CSMD1: variants seen among roughly 807,000 people sequenced by gnomAD.
The protein encoded by CSMD1 is CUB and sushi domain-containing protein 1.
A neutral mutation model predicts 417.5 loss-of-function variants in CSMD1; 213 were observed. The observed-to-expected ratio is 0.51, with a 90% CI of 0.46 to 0.57. The LOEUF (loss-of-function observed/expected upper bound fraction) is 0.57, where lower values mean the gene tolerates loss of function less well. Among genes scored for constraint, CSMD1 ranks in the 20% least tolerant of loss-of-function variants. The probability of loss-of-function intolerance (pLI) is 0.00; values close to 1 mark genes in which losing one functional copy is unlikely to be tolerated. For missense variants in CSMD1, 6,923 were observed against 4,529.7 expected, an observed-to-expected ratio of 1.53 and a Z score of -15.17; for synonymous variants, 2,862 against 1,736.8, an observed-to-expected ratio of 1.65 and a Z score of -16.11.
intron 26 of CSMD1, among the ~76,000 whole-genome samples, chr8:3,258,498 A>C (rs1800819727): frequency 6.6e-6 from 1 of 152,232 alleles, no homozygotes; most frequent in South Asian, 2.1e-4. Flanking sequence ...GTTTGTGCAA[A>C]TGTAAATTAG....
intron 12 of CSMD1, among the ~76,000 whole-genome samples, chr8:3,459,224 A>G (rs1816342527): frequency 6.6e-6 from 1 of 152,334 alleles, no homozygotes; most frequent in East Asian, 1.9e-4. Flanking sequence ...GGTGGGGCAC[A>G]CGGGAGCCAC....
intron 5 of CSMD1, among the ~76,000 whole-genome samples, chr8:3,845,522 G>T (rs1803446367): frequency 6.6e-6 from 1 of 152,162 alleles, no homozygotes; most frequent in Non-Finnish European, 1.5e-5. Flanking sequence ...GCCATGAATG[G>T]AGCTTGCAGG....
chr8:4,785,964 G>A (rs1270277852), intron 1 of CSMD1, among the ~76,000 whole-genome samples: 3 of 152,122 alleles, frequency 2.0e-5, no homozygotes, highest in Admixed American at 1.3e-4. Context: ...ACAATTATAG[G>A]AAAGACATCC....
intron 1 of CSMD1, among the ~76,000 whole-genome samples, chr8:4,826,489 T>C (rs551070729): frequency 2.0e-5 from 3 of 152,274 alleles, no homozygotes; most frequent in Middle Eastern, 6.8e-3. Flanking sequence ...CTTTATGTTG[T>C]TTTTATTTAT....
chr8:3,762,849 C>A (rs972653493), intron 5 of CSMD1, among the ~76,000 whole-genome samples: 2 of 152,172 alleles, frequency 1.3e-5, no homozygotes, highest in African/African-American at 4.8e-5. Flanking sequence ...GAGTAAGCAG[C>A]CGAGACACGG....
chr8:4,868,407 G>A (rs989410260), intron 1 of CSMD1, among the ~76,000 whole-genome samples: 1 of 151,874 alleles, frequency 6.6e-6, no homozygotes. Flanking sequence ...ACTAATTTTT[G>A]TACTTTTAGT....
intron 12 of CSMD1, among the ~76,000 whole-genome samples, chr8:3,467,709 A>C (rs1816862354): frequency 6.6e-6 from 1 of 152,174 alleles, no homozygotes; most frequent in East Asian, 1.9e-4. Flanking sequence ...ACAGAGAGAG[A>C]GAGCAGCCAA....
chr8:4,051,915 T>A lies in CSMD1; in HGVS notation c.416-19816A>T, dbSNP rs961186973. On this transcript the variant is annotated intron_variant, in intron 3 of 69. Coordinates refer to ENST00000635120, the MANE Select transcript of CSMD1 (RefSeq NM_033225.6). The stretch of plus-strand genomic sequence containing the variant: ...TCCTTCCTTCCTTCCTTCCTTCCTT[T>A]CTTTCTTTTTCTTTCTTTCTTTCTT... 8.7e-4 allele frequency among the ~76,000 whole-genome samples: 119 copies of A among 137,104 alleles called. 2 individuals are homozygous for A. Among genetic ancestry groups the A allele is most frequent in the African/African-American group, 3.3e-3 (118 of 36,008 alleles). 89.9% of individuals were successfully genotyped at this position (137,104 alleles called of 152,430 possible). A position where few individuals can be genotyped will look rare whatever the true frequency, so the allele number is the denominator to read the frequency against.
intron 2 of CSMD1, among the ~76,000 whole-genome samples, chr8:4,606,065 G>C (rs1038785179): frequency 6.6e-6 from 1 of 152,132 alleles, no homozygotes; most frequent in African/African-American, 2.4e-5. Flanking sequence ...GCCTGAGAAG[G>C]ATGCGGTGGT....
intron 2 of CSMD1, among the ~76,000 whole-genome samples, chr8:4,566,291 T>A (rs1351373267): frequency 6.6e-6 from 1 of 152,112 alleles, no homozygotes; most frequent in African/African-American, 2.4e-5. Context: ...ATTGACAAAA[T>A]ACATTTAGAA....
intron 4 of CSMD1, among the ~76,000 whole-genome samples, chr8:4,001,019 C>A (rs943726444): frequency 6.7e-6 from 1 of 149,682 alleles, no homozygotes; most frequent in Non-Finnish European, 1.5e-5. Context: ...GGCAAGAAAT[C>A]CCCCCTTTCA....
intron 3 of CSMD1, among the ~76,000 whole-genome samples, chr8:4,036,067 T>C (rs1301180377): frequency 6.6e-6 from 1 of 152,170 alleles, no homozygotes; most frequent in African/African-American, 2.4e-5. Flanking sequence ...TTGCCTACAG[T>C]ATTCAGTTCA....
At chr8:3,558,004 C>G (rs997817491) in intron 10 of CSMD1, among the ~76,000 whole-genome samples, 9 of 151,920 alleles carry the variant, frequency 5.9e-5, no homozygotes, top group African/African-American at 2.2e-4. Flanking sequence ...TACCCTGTGT[C>G]CACTCCTCCA....
At chr8:4,239,829 G>A (rs1410793077) in intron 3 of CSMD1, among the ~76,000 whole-genome samples, 1 of 152,312 alleles carries the variant, frequency 6.6e-6, no homozygotes, top group East Asian at 1.9e-4. Context: ...ATTTCTGCCT[G>A]AATGTGTCTA....
At chr8:4,771,097 T>C (rs1030984461) in intron 1 of CSMD1, among the ~76,000 whole-genome samples, 70 of 152,216 alleles carry the variant, frequency 4.6e-4, no homozygotes, top group African/African-American at 1.6e-3. Context: ...AAATAACTCA[T>C]AGCACTCAAC....
At chr8:4,677,514 T>TG (rs1292095555) in intron 1 of CSMD1, among the ~76,000 whole-genome samples, 2 of 152,188 alleles carry the variant, frequency 1.3e-5, no homozygotes, top group African/African-American at 4.8e-5. Context: ...AGAAGAAATT[T>TG]TCCAGTGAAG....
intron 5 of CSMD1, among the ~76,000 whole-genome samples, chr8:3,981,277 T>C (rs752326471): frequency 6.6e-6 from 1 of 152,078 alleles, no homozygotes; most frequent in African/African-American, 2.4e-5. Flanking sequence ...CTCACTGATA[T>C]GTGGGAGCTA....
intron 3 of CSMD1, among the ~76,000 whole-genome samples, chr8:4,240,352 C>A (rs774498433): frequency 6.6e-6 from 1 of 152,188 alleles, no homozygotes; most frequent in African/African-American, 2.4e-5. Context: ...AAAAAGGAAA[C>A]TCCTGCATTC....
chr8:4,114,059 C>T (rs190579789), intron 3 of CSMD1, among the ~76,000 whole-genome samples: 3 of 152,296 alleles, frequency 2.0e-5, no homozygotes, highest in Non-Finnish European at 4.4e-5. Flanking sequence ...CAATAAACAA[C>T]AGATTTTCCA....
Sources: gnomAD v4.1 joint callset for allele counts (sites outside exome capture counted in the v4.1 genomes callset) on GRCh38, gnomAD v4.1.1 for gene constraint, MANE v1.5 for transcripts, NCBI Gene and HGNC (gene_info 2026-07-23, HGNC 2026-07-21) for gene names.